Variants in DNASE1 observed in about 807,000 individuals in gnomAD.
The protein encoded by DNASE1 is deoxyribonuclease 1, also known as deoxyribonuclease-1.
In DNASE1, 40 loss-of-function variants were observed where a neutral mutation model predicts 33.9. The ratio of observed to expected loss-of-function variants is 1.18; its 90% CI spans 0.92 to 1.54. The LOEUF is 1.54. Among genes scored for constraint, DNASE1 ranks in the 40% most tolerant of loss-of-function variants. The probability of loss-of-function intolerance (pLI) is 0.00; values close to 1 mark genes in which losing one functional copy is unlikely to be tolerated. For missense variants in DNASE1, 518 were observed against 372.6 expected (o/e 1.39, Z -3.21); for synonymous variants, 216 against 160.0 (o/e 1.35, Z -2.64).
chr16:3,658,389 G>T (rs540528113), downstream of DNASE1: 3 of 660,332 alleles, frequency 4.5e-6, no homozygotes, highest in East Asian at 8.2e-5. Context: ...CAAAGTGCTG[G>T]GATTACAGGC....
chr16:3,638,747 T>G (rs142772601), upstream of DNASE1, among the ~76,000 whole-genome samples: 250 of 152,362 alleles, frequency 1.6e-3, 5 homozygotes, highest in Middle Eastern at 0.017. Flanking sequence ...TTGTTTTTCT[T>G]CTAGGACTTC....
chr16:3,662,294 G>C, downstream of DNASE1: 1 of 857,118 alleles, frequency 1.2e-6, no homozygotes, highest in Non-Finnish European at 1.8e-6. Context: ...CCACTAACTT[G>C]TGGGCCCTGA....
At chr16:3,658,619 G>A (rs1226491611), downstream of DNASE1, 27 of 643,294 alleles carry the variant, frequency 4.2e-5, no homozygotes, top group East Asian at 7.6e-4. Flanking sequence ...GTTGTAGTGA[G>A]CCAAGATCGC....
intron 1 of DNASE1, among the ~76,000 whole-genome samples, chr16:3,636,091 C>T (rs947224197): frequency 3.3e-5 from 5 of 151,998 alleles, no homozygotes; most frequent in Non-Finnish European, 7.4e-5. Flanking sequence ...TCTAATTGTC[C>T]CACAGTTCTT....
downstream of DNASE1, chr16:3,659,284 A>G: frequency 5.9e-6 from 1 of 170,180 alleles, no homozygotes; most frequent in Non-Finnish European, 1.3e-5. Context: ...GTGGACACTG[A>G]GTGTCTGATG....
intron 1 of DNASE1, among the ~76,000 whole-genome samples, chr16:3,618,267 A>AT (rs1212916189): frequency 2.7e-4 from 41 of 151,858 alleles, no homozygotes; most frequent in African/African-American, 8.7e-4. Flanking sequence ...AAAAAAAAAA[A>AT]AGTATTGGTG....
Position 3,657,985 on chromosome 16 carries a change from GAAGAGAGGACCC to G in DNASE1, c.*34_*45del. The G allele has an allele frequency of 6.2e-7, 1 of 1,612,970 alleles. No homozygotes were observed. On this transcript the variant is annotated 3_prime_UTR_variant, in exon 9 of 9. Coordinates refer to ENST00000246949, the MANE Select transcript of DNASE1 (RefSeq NM_005223.4). ...CCTCCCCACACCAGTTGAACTGCAGGAAGAGAGGACCCATCCTGCCACAGGACCCAGAAAAAA... is the reference window on the plus strand; with the variant it reads ...CCTCCCCACACCAGTTGAACTGCAGGATCCTGCCACAGGACCCAGAAAAAA...
chr16:3,647,501 T>C (rs1325786929), intron 1 of DNASE1, among the ~76,000 whole-genome samples: 1 of 152,160 alleles, frequency 6.6e-6, no homozygotes, highest in African/African-American at 2.4e-5. Context: ...TTTGAACTTC[T>C]AAGCTCTAGC....
At chr16:3,664,556 T>TG in exon 10 of DNASE1, 1 of 1,338,502 alleles carries the variant, frequency 7.5e-7, no homozygotes, top group South Asian at 1.4e-5. Context: ...CATGGCCTCC[T>TG]GGCACTCCAG....
intron 1 of DNASE1, among the ~76,000 whole-genome samples, chr16:3,646,941 A>G (rs1399613746): frequency 6.6e-6 from 1 of 152,016 alleles, no homozygotes; most frequent in Non-Finnish European, 1.5e-5. Context: ...AGGCCAAGGA[A>G]ATAATCTGGG....
At chr16:3,625,853 A>G (rs1478788666) in intron 1 of DNASE1, among the ~76,000 whole-genome samples, 2 of 152,152 alleles carry the variant, frequency 1.3e-5, no homozygotes, top group Non-Finnish European at 2.9e-5. Flanking sequence ...TAATCCCAAC[A>G]CTTCAGGAGG....
intron 1 of DNASE1, among the ~76,000 whole-genome samples, chr16:3,624,126 A>G (rs1244031966): frequency 1.3e-5 from 2 of 151,668 alleles, no homozygotes; most frequent in African/African-American, 4.8e-5. Flanking sequence ...AAAATACAAA[A>G]ATCAGCTGGG....
chr16:3,658,219 G>A (rs138865792), downstream of DNASE1: 132 of 1,613,736 alleles, frequency 8.2e-5, no homozygotes, highest in South Asian at 2.7e-4. Flanking sequence ...CAATCATGGC[G>A]TTCTCGTATA....
At chr16:3,623,500 A>C (rs1210459678) in intron 1 of DNASE1, among the ~76,000 whole-genome samples, 1 of 152,198 alleles carries the variant, frequency 6.6e-6, no homozygotes, top group East Asian at 1.9e-4. Context: ...TTAAATGAAA[A>C]CACTTCTACA....
chr16:3,658,636 GCACTCCAGCCTGGCAACAGAGCAA>G, downstream of DNASE1: 1 of 713,730 alleles, frequency 1.4e-6, no homozygotes. Flanking sequence ...TCGCGCCACT[GCACTCCAGCCTGGCAACAGAGCAA>G]CACTCCATCT....
upstream of DNASE1, among the ~76,000 whole-genome samples, chr16:3,641,597 A>T (rs1219389589): frequency 2.6e-5 from 4 of 152,158 alleles, no homozygotes; most frequent in African/African-American, 9.7e-5. Flanking sequence ...TGGCTTCTCC[A>T]TGTAGTTCAG....
intron 1 of DNASE1, among the ~76,000 whole-genome samples, chr16:3,635,911 T>C (rs961029613): frequency 1.3e-5 from 2 of 152,234 alleles, no homozygotes; most frequent in African/African-American, 2.4e-5. Context: ...TGTTCTGTTT[T>C]TGTTTTTTGC....
At chr16:3,648,059 T>C (rs941970434) in intron 1 of DNASE1, among the ~76,000 whole-genome samples, 1 of 152,052 alleles carries the variant, frequency 6.6e-6, no homozygotes, top group Non-Finnish European at 1.5e-5. Context: ...TCCCATCTAC[T>C]AGGGAGGCTG....
rs559405081 is a variant in DNASE1, at chr16:3,645,259, C to G, written c.-86+2223C>G. 5.8e-4 allele frequency among the ~76,000 whole-genome samples: 88 copies of G among 152,344 alleles called. 2 individuals are homozygous for G. The South Asian group carries it at 0.015, about 26-fold the overall frequency. On this transcript the variant is annotated intron_variant, in intron 1 of 9. Coordinates refer to the DNASE1 transcript ENST00000407479. Reference sequence around the variant, plus strand: ...CCTCCCTTTTCCTTTCTGTGGCCCCCTAGCCTTGGACAGGGAGGGGGCCCT... The same window carrying G: ...CCTCCCTTTTCCTTTCTGTGGCCCCGTAGCCTTGGACAGGGAGGGGGCCCT...
Sources: allele counts gnomAD v4.1 joint callset (sites outside exome capture counted in the v4.1 genomes callset), GRCh38; gene constraint gnomAD v4.1.1; transcripts MANE v1.5; gene names NCBI Gene and HGNC (gene_info 2026-07-23, HGNC 2026-07-21).